The following SRI variants were observed in gnomAD, a reference collection of about 807,000 sequenced individuals.
SRI encodes sorcin.
SRI carries 30 observed loss-of-function variants against 33.3 expected under a neutral mutation model. The observed-to-expected ratio is 0.90, with a 90% CI of 0.67 to 1.22. The LOEUF (loss-of-function observed/expected upper bound fraction) is 1.22, where lower values mean the gene tolerates loss of function less well. Among genes scored for constraint, SRI ranks in the 50% most tolerant of loss-of-function variants. The pLI is 0.00. For missense variants in SRI, 243 were observed against 250.8 expected, an observed-to-expected ratio of 0.97 and a Z score of 0.21; for synonymous variants, 75 against 89.9, an observed-to-expected ratio of 0.83 and a Z score of 0.94.
At chr7:88,207,045 G>A (rs1851452169) in intron 7 of SRI, among the ~76,000 whole-genome samples, 1 of 152,196 alleles carries the variant, frequency 6.6e-6, no homozygotes, top group Admixed American at 6.5e-5. Context: ...ACCAGTATTT[G>A]CTGTGAAATG....
At chr7:88,220,362 T>A (rs1851863023), upstream of SRI, among the ~76,000 whole-genome samples, 1 of 152,066 alleles carries the variant, frequency 6.6e-6, no homozygotes, top group Non-Finnish European at 1.5e-5. Flanking sequence ...GAATTCTTTT[T>A]TTTTTTTTTT....
intron 6 of SRI, 83 bp downstream of exon 6, chr7:88,209,256 A>G (rs1586711863): frequency 4.3e-6 from 5 of 1,153,686 alleles, no homozygotes; most frequent in East Asian, 2.4e-5. Context: ...TGGGAAGAAT[A>G]AAAGTTGAGA....
chr7:88,207,452 T>C (rs1389212023), intron 7 of SRI, among the ~76,000 whole-genome samples: 1 of 152,256 alleles, frequency 6.6e-6, no homozygotes, highest in African/African-American at 2.4e-5. Context: ...ATCTTATATT[T>C]TGTAATGGAG....
At chr7:88,224,204 C>G (rs1563479970), upstream of SRI, among the ~76,000 whole-genome samples, 1 of 152,220 alleles carries the variant, frequency 6.6e-6, no homozygotes, top group South Asian at 2.1e-4. Flanking sequence ...GAATCCCATT[C>G]TTTTGTGGTA....
chr7:88,210,280 TAGAA>T (rs1173772419), intron 4 of SRI, 150 bp from the exon 5 acceptor site: 17 of 962,584 alleles, frequency 1.8e-5, no homozygotes, highest in East Asian at 1.0e-4. Flanking sequence ...GATTTAAAAA[TAGAA>T]AGGGGCTATG....
upstream of SRI, chr7:88,220,197 G>A (rs936933710): frequency 3.6e-5 from 47 of 1,313,824 alleles, no homozygotes; most frequent in African/African-American, 6.7e-4. Flanking sequence ...TGGCTCCCCT[G>A]CCTGCGCGCT....
intron 3 of SRI, among the ~76,000 whole-genome samples, chr7:88,214,554 G>A (rs928481981): frequency 2.6e-5 from 4 of 151,612 alleles, no homozygotes; most frequent in Non-Finnish European, 5.9e-5. Context: ...AATAAGTTTT[G>A]GTAAGGAAAA....
At chr7:88,209,583 GAA>G (rs2115747431) in intron 5 of SRI, 131 bp from the exon 6 acceptor site, 5 of 706,984 alleles carry the variant, frequency 7.1e-6, no homozygotes, top group Non-Finnish European at 1.2e-5. Flanking sequence ...CAATTTCTAA[GAA>G]AACAGAAACT....
intron 1 of SRI, chr7:88,226,786 G>T (rs369605038): frequency 4.9e-6 from 5 of 1,013,904 alleles, no homozygotes; most frequent in African/African-American, 1.6e-5. Context: ...TTGATTCTCA[G>T]CTTGGAAACC....
chr7:88,208,780 G>GTTTTTTGT (rs1281870397), intron 6 of SRI: 1 of 663,352 alleles, frequency 1.5e-6, no homozygotes, highest in Non-Finnish European at 2.4e-6. Context: ...GGCCAGCTGT[G>GTTTTTTGT]TTTTTTGTTT....
chr7:88,224,632 A>G (rs537381265), upstream of SRI, among the ~76,000 whole-genome samples: 2 of 151,164 alleles, frequency 1.3e-5, no homozygotes, highest in South Asian at 2.1e-4. Flanking sequence ...TGTGAAGCCT[A>G]TGATGTTCAT....
In SRI at chr7:88,205,994, A is replaced by G. The variant is rs1460003903; in HGVS notation, c.*484T>C. 1 of 162,614 alleles carries G rather than the reference A, an allele frequency of 6.1e-6. No individual in the cohort carries two copies. Among genetic ancestry groups the G allele is most frequent in the African/African-American group, 2.4e-5 (1 of 41,556 alleles). 10.1% of individuals were successfully genotyped at this position (162,614 alleles called of 1,614,324 possible). On this transcript the variant is annotated 3_prime_UTR_variant, in exon 8 of 8. Coordinates refer to ENST00000265729, the MANE Select transcript of SRI (RefSeq NM_003130.4). ...CAACAGGTTTTGAAGGGCGTGTGCTAAACTTCTAAGGTGAATCCTGACGTG... is the reference window on the plus strand; with the variant it reads ...CAACAGGTTTTGAAGGGCGTGTGCTGAACTTCTAAGGTGAATCCTGACGTG...
At position 88,209,444 on chromosome 7, in the gene SRI, A is replaced by C; in HGVS notation, c.406T>G (p.Leu136Val). The C allele has an allele frequency of 6.2e-7, 1 of 1,613,754 alleles. No homozygotes were observed. Reference protein sequence around the residue: ...QKALTTMGFRLSPQAVNSIAK... With the variant: ...QKALTTMGFRVSPQAVNSIAK... The stretch of plus-strand genomic sequence containing the variant: ...ATTGAATTCACAGCCTGGGGACTCA[A>C]CCTAAATCCTAAAAGAAAAGCCATC... Residue 136 changes from leucine to valine, a missense_variant, in exon 6 of 8, where the codon TTG becomes GTG. Leu to Val is a conservative substitution (Grantham distance 32). Coordinates refer to ENST00000265729, the MANE Select transcript of SRI (RefSeq NM_003130.4).
intron 1 of SRI, among the ~76,000 whole-genome samples, chr7:88,226,462 G>A (rs1313929997): frequency 6.6e-6 from 1 of 152,142 alleles, no homozygotes; most frequent in African/African-American, 2.4e-5. Context: ...AGGAGGGGAA[G>A]ATAATACAAT....
chr7:88,224,900 T>G (rs1165000292), upstream of SRI, among the ~76,000 whole-genome samples: 3 of 152,180 alleles, frequency 2.0e-5, no homozygotes, highest in Non-Finnish European at 4.4e-5. Flanking sequence ...CTATTGAGCC[T>G]GTGAAATGAG....
intron 1 of SRI, among the ~76,000 whole-genome samples, chr7:88,225,358 T>C (rs1454334885): frequency 6.6e-6 from 1 of 152,192 alleles, no homozygotes; most frequent in Non-Finnish European, 1.5e-5. Flanking sequence ...ACTTTATATA[T>C]ATACTTTCTT....
rs566845439 is a variant in SRI, at chr7:88,225,351, T to TTA, written c.6+1556_6+1557dup. Among the ~76,000 whole-genome samples the TTA allele has an allele frequency of 3.2e-4, 49 of 152,264 alleles. No individual in the cohort carries two copies. The South Asian group carries it at 9.1e-3, about 28-fold the overall frequency. ...GTATTTTTACAAACACACACACACT[T>TTA]TATATATATACTTTCTTATCATTAG... is the stretch of plus-strand genomic sequence containing the variant. On this transcript the variant is annotated intron_variant, in intron 1 of 7. Coordinates refer to the SRI transcript ENST00000394641.
At position 88,225,153 on chromosome 7, in the gene SRI, A is replaced by G. The variant is rs565792308; in HGVS notation, c.6+1756T>C. Among the ~76,000 whole-genome samples, 15 of 152,350 alleles carry G rather than the reference A, an allele frequency of 9.8e-5. No individual in the cohort carries two copies. The South Asian group carries it at 2.7e-3, about 27-fold the overall frequency. ...AACGTTCCCATGTTCCTGTTCCTAC[A>G]GAATAGATTCTCACTGACCTGTTCC... On this transcript the variant is annotated intron_variant, in intron 1 of 7. Transcript: ENST00000394641.
chr7:88,209,515 TAATC>T lies in SRI; in HGVS notation c.398-67_398-64del, dbSNP rs1423922888. ...TGCAGAAGCTCATTAAAAAATAAAA[TAATC>T]AAGCACTATTTTATTTTTTAAGACT... On this transcript the variant is annotated intron_variant, in intron 5 of 7. Transcript: ENST00000265729. 17 of 1,273,858 alleles carry T rather than the reference TAATC, an allele frequency of 1.3e-5. 1 individual carries two copies. In the South Asian group the frequency reaches 1.6e-4, roughly 12 times the overall value. 78.9% of individuals were successfully genotyped at this position (1,273,858 alleles called of 1,614,324 possible).
Sources: gnomAD v4.1 joint callset for allele counts (sites outside exome capture counted in the v4.1 genomes callset) on GRCh38, gnomAD v4.1.1 for gene constraint, MANE v1.5 for transcripts, NCBI Gene and HGNC (gene_info 2026-07-23, HGNC 2026-07-21) for gene names.